The following EFCAB11 variants were observed in gnomAD, a reference collection of about 807,000 sequenced individuals.
The protein encoded by EFCAB11 is EF-hand calcium-binding domain-containing protein 11.
Under a neutral mutation model 23.0 loss-of-function variants are expected in EFCAB11, and 14 were observed. The ratio of observed to expected loss-of-function variants is 0.61; its 90% confidence interval spans 0.40 to 0.95. The LOEUF is 0.95. Ranked by LOEUF, EFCAB11 falls within the 40% of genes least tolerant of loss-of-function variation. The pLI is 0.00. For missense variants in EFCAB11, 198 were observed against 195.8 expected (o/e 1.01, Z -0.07); for synonymous variants, 65 against 66.6 (o/e 0.98, Z 0.11).
At chr14:89,820,645 G>T (rs1886484917) in intron 5 of EFCAB11, among the ~76,000 whole-genome samples, 1 of 152,106 alleles carries the variant, frequency 6.6e-6, no homozygotes. Flanking sequence ...AGGAGCTACA[G>T]TAACCTCTAC....
rs996892654 is a variant in EFCAB11, at chr14:89,797,180, T to C, written c.*63A>G. ...CTGTAGCATGACATCATTAGTAGAG[T>C]CGAGTCTGCTGACATTACAATCTAT... On this transcript the variant is annotated 3_prime_UTR_variant, in exon 6 of 6. Transcript: ENST00000316738. 41 of 1,440,218 alleles carry C rather than the reference T, an allele frequency of 2.8e-5. No individual in the cohort carries two copies. Among genetic ancestry groups the C allele is most frequent in the Non-Finnish European group, 3.9e-5 (40 of 1,035,594 alleles). The allele number at this position is 1,440,218 out of a possible 1,614,324, so 89.2% of individuals were successfully genotyped here.
chr14:89,864,577 G>A (rs953418349), intron 5 of EFCAB11, among the ~76,000 whole-genome samples: 4 of 151,888 alleles, frequency 2.6e-5, no homozygotes, highest in Admixed American at 1.3e-4. Flanking sequence ...ACAGGTGCAC[G>A]TCAACATGCC....
intron 5 of EFCAB11, among the ~76,000 whole-genome samples, chr14:89,920,048 C>T (rs962244822): frequency 6.6e-6 from 1 of 152,190 alleles, no homozygotes; most frequent in Admixed American, 6.5e-5. Context: ...TATGATAAAA[C>T]TCCTCTCAGC....
chr14:89,797,842 A>G (rs1885627107), intron 5 of EFCAB11, among the ~76,000 whole-genome samples: 1 of 152,154 alleles, frequency 6.6e-6, no homozygotes, highest in Non-Finnish European at 1.5e-5. Flanking sequence ...CTGAGGCAGG[A>G]GAATCACTTG....
chr14:89,836,969 C>T (rs937876704), intron 5 of EFCAB11: 36 of 453,342 alleles, frequency 7.9e-5, no homozygotes, highest in African/African-American at 7.0e-4. Flanking sequence ...CTGCAGTGAG[C>T]CAAGACTGTG....
In EFCAB11 at chr14:89,841,465, C is replaced by T. The variant is rs1887266407; in HGVS notation, c.411-44141G>A. On this transcript the variant is annotated intron_variant, in intron 5 of 5. Transcript: ENST00000316738. ...TCTTCCCCGCCGCACCCCCAGTCTG[C>T]TATCCTCTCTCCCTCACTCTTTAAC... is the stretch of plus-strand genomic sequence containing the variant. Among the ~76,000 whole-genome samples, 2 of 151,722 alleles carry T rather than the reference C, an allele frequency of 1.3e-5. 1 individual carries two copies.
chr14:89,855,035 G>GA (rs1470016961), intron 5 of EFCAB11, among the ~76,000 whole-genome samples: 1 of 152,064 alleles, frequency 6.6e-6, no homozygotes, highest in African/African-American at 2.4e-5. Flanking sequence ...AGAATCCCTG[G>GA]AAAAATGGGA....
intron 5 of EFCAB11, among the ~76,000 whole-genome samples, chr14:89,817,987 C>CT: frequency 6.9e-6 from 1 of 144,382 alleles, no homozygotes. Flanking sequence ...GAGTGAGACT[C>CT]TGTCTCAAAA....
At chr14:89,873,876 T>C (rs1409710790) in intron 5 of EFCAB11, among the ~76,000 whole-genome samples, 1 of 152,210 alleles carries the variant, frequency 6.6e-6, no homozygotes, top group Non-Finnish European at 1.5e-5. Flanking sequence ...TGAGTGTTTG[T>C]GGCTTTTCCA....
intron 5 of EFCAB11, among the ~76,000 whole-genome samples, chr14:89,853,261 T>G (rs1887649499): frequency 1.3e-5 from 2 of 152,188 alleles, no homozygotes; most frequent in South Asian, 4.1e-4. Flanking sequence ...CAGTTACAGT[T>G]CACCACGTCG....
chr14:89,809,676 C>CAAAAAAAAGACA (rs1200055896), intron 5 of EFCAB11, among the ~76,000 whole-genome samples: 1 of 152,160 alleles, frequency 6.6e-6, no homozygotes, highest in African/African-American at 2.4e-5. Context: ...GAAGACAAAA[C>CAAAAAAAAGACA]TAAGTGAATT....
intron 5 of EFCAB11, among the ~76,000 whole-genome samples, chr14:89,905,743 T>C (rs1003237516): frequency 1.3e-5 from 2 of 152,166 alleles, no homozygotes; most frequent in Non-Finnish European, 2.9e-5. Flanking sequence ...GACCGAGTTA[T>C]GGAGTTTGGC....
chr14:89,865,047 C>T (rs1323148608), intron 5 of EFCAB11, among the ~76,000 whole-genome samples: 2 of 152,220 alleles, frequency 1.3e-5, no homozygotes, highest in Non-Finnish European at 2.9e-5. Flanking sequence ...TAGAGCAGCA[C>T]TTTCAGCTCA....
chr14:89,889,814 T>C (rs1888905031), intron 5 of EFCAB11, among the ~76,000 whole-genome samples: 1 of 152,242 alleles, frequency 6.6e-6, no homozygotes, highest in Non-Finnish European at 1.5e-5. Context: ...CACAGCTTAC[T>C]ATTGGGGAAT....
At chr14:89,947,893 T>C (rs1891035316) in intron 3 of EFCAB11, among the ~76,000 whole-genome samples, 1 of 152,174 alleles carries the variant, frequency 6.6e-6, no homozygotes, top group South Asian at 2.1e-4. Flanking sequence ...CTGAAATTCA[T>C]CCAATCTGAC....
At chr14:89,829,561 A>AG (rs1886818095) in intron 5 of EFCAB11, among the ~76,000 whole-genome samples, 1 of 152,206 alleles carries the variant, frequency 6.6e-6, no homozygotes, top group Non-Finnish European at 1.5e-5. Context: ...TTGGACAAAG[A>AG]GGATTGTTTA....
chr14:89,908,800 G>A (rs1054787567), intron 5 of EFCAB11, among the ~76,000 whole-genome samples: 1 of 152,134 alleles, frequency 6.6e-6, no homozygotes, highest in African/African-American at 2.4e-5. Flanking sequence ...CTGCAAGTGG[G>A]AAAAGAGAGG....
chr14:89,917,276 T>C (rs1889881755), intron 5 of EFCAB11, among the ~76,000 whole-genome samples: 1 of 152,146 alleles, frequency 6.6e-6, no homozygotes, highest in South Asian at 2.1e-4. Flanking sequence ...CCCTGGCAAC[T>C]ACCATTCCAC....
At chr14:89,815,442 T>C (rs74422761) in intron 5 of EFCAB11, among the ~76,000 whole-genome samples, 3 of 152,100 alleles carry the variant, frequency 2.0e-5, no homozygotes, top group East Asian at 1.9e-4. Context: ...TTTTTTTTTT[T>C]CCAAGACGGA....
Sources: allele counts gnomAD v4.1 joint callset (sites outside exome capture counted in the v4.1 genomes callset), GRCh38; gene constraint gnomAD v4.1.1; transcripts MANE v1.5; gene names NCBI Gene and HGNC (gene_info 2026-07-23, HGNC 2026-07-21).